MVB12B: variants seen among roughly 807,000 people sequenced by gnomAD.
MVB12B encodes multivesicular body subunit 12B.
In MVB12B, 16 loss-of-function variants were observed where a neutral mutation model predicts 41.6. The ratio of observed to expected loss-of-function variants is 0.38; its 90% CI spans 0.26 to 0.58. The LOEUF (loss-of-function observed/expected upper bound fraction) is 0.58. MVB12B is among the 20% of genes least tolerant of loss of function. The pLI, the probability that MVB12B is intolerant of heterozygous loss-of-function variation, is 0.62. For synonymous variants in MVB12B, 133 were observed against 139.7 expected (o/e 0.95, Z 0.34); for missense variants, 274 against 380.2 (o/e 0.72, Z 2.32).
At chr9:126,487,708 A>G (rs1833648652) in intron 9 of MVB12B, among the ~76,000 whole-genome samples, 1 of 150,868 alleles carries the variant, frequency 6.6e-6, no homozygotes, top group Non-Finnish European at 1.5e-5. Context: ...CGGAGGTTGC[A>G]GTGAGCCGAG....
intron 7 of MVB12B, among the ~76,000 whole-genome samples, chr9:126,464,399 G>T (rs1833156809): frequency 1.3e-5 from 2 of 151,926 alleles, no homozygotes; most frequent in South Asian, 4.2e-4. Context: ...GAGCAGAGTG[G>T]CAGGGAGGAG....
At chr9:126,458,553 T>C (rs1267732350) in intron 7 of MVB12B, among the ~76,000 whole-genome samples, 4 of 152,154 alleles carry the variant, frequency 2.6e-5, no homozygotes, top group Non-Finnish European at 4.4e-5. Context: ...TTAGGGAAAG[T>C]ATTTTTAAGA....
At chr9:126,463,859 A>G (rs986936184) in intron 7 of MVB12B, among the ~76,000 whole-genome samples, 15 of 152,142 alleles carry the variant, frequency 9.9e-5, no homozygotes, top group Admixed American at 8.5e-4. Flanking sequence ...AATCTTAAGC[A>G]AAATTTATAA....
At chr9:126,406,045 T>TG (rs968446300) in intron 6 of MVB12B, among the ~76,000 whole-genome samples, 6 of 150,750 alleles carry the variant, frequency 4.0e-5, no homozygotes, top group South Asian at 4.2e-4. Context: ...TTTGGTTTTG[T>TG]GGGGGGTTTT....
intron 7 of MVB12B, among the ~76,000 whole-genome samples, chr9:126,455,757 A>T (rs985856237): frequency 7.9e-5 from 12 of 152,108 alleles, no homozygotes; most frequent in Non-Finnish European, 1.5e-5. Context: ...ATGTGCTGGA[A>T]TTGCAGGCGT....
chr9:126,474,604 C>T (rs1267101583), intron 7 of MVB12B, among the ~76,000 whole-genome samples: 1 of 152,208 alleles, frequency 6.6e-6, no homozygotes, highest in Admixed American at 6.5e-5. Context: ...TCGCTGTCTG[C>T]GTCTAGCCCC....
Position 126,386,611 on chromosome 9 carries a change from A to G in MVB12B, c.362A>G (p.Asp121Gly). ...LVDMKLIDIK[D>G]TLPVGFIPIQ... ...GATATGAAGCTCATTGACATCAAGG[A>G]CACACTGCCTGTGGGCTTCATCCCA... The change falls in exon 4 of 10, where the codon GAC (aspartate) becomes GGC (glycine). Residue 121 changes from aspartate to glycine, a missense_variant. By Grantham distance (94) the Asp-to-Gly change is moderately conservative. Transcript: ENST00000361171. The surrounding 1 kb of genome is among the most constrained non-coding windows in gnomAD (Gnocchi z 4.3). 6.2e-7 allele frequency: 1 copy of G among 1,614,180 alleles called. No individual in the cohort carries two copies. The highest frequency in any genetic ancestry group is 2.2e-5 in the East Asian group (1 of 44,888).
Position 126,505,137 on chromosome 9 carries a change from T to C in MVB12B, c.*1874T>C, listed in dbSNP as rs878889662. 1 of 152,274 alleles carries C rather than the reference T, an allele frequency of 6.6e-6. No homozygotes were observed. Among genetic ancestry groups the C allele is most frequent in the African/African-American group, 2.4e-5 (1 of 41,448 alleles). 9.4% of individuals were successfully genotyped at this position (152,274 alleles called of 1,614,324 possible). ...TTTGTGAACTTTGTCCTTCACCTCTTTTCGTGCCCTGGTTGTGAGATTGCC... is the reference window on the plus strand; with the variant it reads ...TTTGTGAACTTTGTCCTTCACCTCTCTTCGTGCCCTGGTTGTGAGATTGCC... On this transcript the variant is annotated 3_prime_UTR_variant, in exon 10 of 10. Transcript: ENST00000361171.
chr9:126,335,123 A>G (rs1829239136), intron 1 of MVB12B: 1 of 658,400 alleles, frequency 1.5e-6, no homozygotes, highest in African/African-American at 1.9e-5. Flanking sequence ...AGGAGAGCTT[A>G]GAAAAATATT....
intron 7 of MVB12B, among the ~76,000 whole-genome samples, chr9:126,467,498 GT>G (rs1833223674): frequency 6.6e-6 from 1 of 152,142 alleles, no homozygotes; most frequent in Non-Finnish European, 1.5e-5. Context: ...GGGGAATACT[GT>G]AGGCCTACGT....
intron 2 of MVB12B, among the ~76,000 whole-genome samples, chr9:126,356,429 G>A (rs1302349575): frequency 2.0e-5 from 3 of 151,998 alleles, no homozygotes; most frequent in Non-Finnish European, 2.9e-5. Flanking sequence ...TTTCTGTTGC[G>A]CATGGATTTT....
At chr9:126,374,468 A>G (rs1357073448) in intron 2 of MVB12B, among the ~76,000 whole-genome samples, 4 of 152,288 alleles carry the variant, frequency 2.6e-5, no homozygotes, top group Non-Finnish European at 5.9e-5. Flanking sequence ...TGACTGCTGC[A>G]CAGTGGCCCA....
chr9:126,441,093 G>A (rs1832628486), intron 7 of MVB12B, among the ~76,000 whole-genome samples: 1 of 152,182 alleles, frequency 6.6e-6, no homozygotes, highest in African/African-American at 2.4e-5. Context: ...ACGATGGGAG[G>A]TGCCAGTTTG....
At position 126,333,152 on chromosome 9, in the gene MVB12B, T is replaced by C. The variant is rs2118790698; in HGVS notation, c.81+6142T>C. ...CCCAGGCTAGAGTGCAGTGGTGCAA[T>C]CTTGGCTCACTGCAACCTCCGCCAC... On this transcript the variant is annotated intron_variant, in intron 1 of 9. Transcript: ENST00000361171. The surrounding 1 kb of genome is among the most constrained non-coding windows in gnomAD (Gnocchi z 4.7). Among the ~76,000 whole-genome samples the C allele has an allele frequency of 6.6e-6, 1 of 152,278 alleles. No individual in the cohort carries two copies. The highest frequency in any genetic ancestry group is 1.9e-4 in the East Asian group (1 of 5,176).
chr9:126,368,827 CTGACT>C (rs1344871530), intron 2 of MVB12B, among the ~76,000 whole-genome samples: 6 of 152,020 alleles, frequency 3.9e-5, no homozygotes, highest in Admixed American at 3.3e-4. Context: ...ATTTTTCTTC[CTGACT>C]TTTTTCTCTG....
In MVB12B at chr9:126,376,391, T is replaced by C. The variant is rs1258994027; in HGVS notation, c.205-4673T>C. The C allele has an allele frequency of 4.3e-6, 3 of 702,646 alleles. No homozygotes were observed. The highest frequency in any genetic ancestry group is 1.8e-5 in the African/African-American group (1 of 54,528). The allele number at this position is 702,646 out of a possible 1,614,324, so 43.5% of individuals were successfully genotyped here. On this transcript the variant is annotated intron_variant, in intron 2 of 9. Transcript: ENST00000361171. The surrounding 1 kb of genome is among the most constrained non-coding windows in gnomAD (Gnocchi z 4.1). ...TTTTCTATTTTGGGCCCTTCTGTCA[T>C]GTCTGAGCCTGTCCCCAGTGCCTGG...
In MVB12B at chr9:126,411,916, A is replaced by G. The variant is rs1588150598; in HGVS notation, c.663-9938A>G. On this transcript the variant is annotated intron_variant, in intron 6 of 9. Coordinates refer to ENST00000361171, the MANE Select transcript of MVB12B (RefSeq NM_033446.3). Reference sequence around the variant, plus strand: ...GAAACACAGGGGACTTGGAGCAGGAATCCTGGCTGTGAAGTCATTGAGGAG... The same window carrying G: ...GAAACACAGGGGACTTGGAGCAGGAGTCCTGGCTGTGAAGTCATTGAGGAG... Among the ~76,000 whole-genome samples the G allele has an allele frequency of 1.3e-5, 2 of 152,328 alleles. 1 individual carries two copies. Among genetic ancestry groups the G allele is most frequent in the South Asian group, 4.1e-4 (2 of 4,830 alleles).
At chr9:126,501,131 G>A (rs1481146229) in intron 9 of MVB12B, among the ~76,000 whole-genome samples, 1 of 152,260 alleles carries the variant, frequency 6.6e-6, no homozygotes, top group Non-Finnish European at 1.5e-5. Context: ...GGAGTCTCCT[G>A]ACCGCGGCCT....
chr9:126,339,622 T>C (rs1368341204), intron 1 of MVB12B, among the ~76,000 whole-genome samples: 1 of 152,216 alleles, frequency 6.6e-6, no homozygotes, highest in Non-Finnish European at 1.5e-5. Context: ...GCAAGAATTA[T>C]GATCATTGTT....
Sources: gnomAD v4.1 joint callset for allele counts (sites outside exome capture counted in the v4.1 genomes callset) on GRCh38, gnomAD v4.1.1 for gene constraint, Gnocchi (gnomAD v3.1) non-coding constraint, MANE v1.5 for transcripts, NCBI Gene and HGNC (gene_info 2026-07-23, HGNC 2026-07-21) for gene names.